The following DDX20 variants were observed in gnomAD, a reference collection of about 807,000 sequenced individuals.
DDX20 encodes the protein probable ATP-dependent RNA helicase DDX20.
DDX20 carries 61 observed loss-of-function variants against 76.4 expected under a neutral mutation model. That is an observed-to-expected ratio of 0.80 (90% CI 0.65 to 0.99). The LOEUF is 0.99. Ranked by LOEUF, DDX20 falls within the 50% of genes least tolerant of loss-of-function variation. The pLI is 0.00. For missense variants in DDX20, 976 were observed against 996.8 expected (o/e 0.98, Z 0.28); for synonymous variants, 357 against 357.4 (o/e 1.00, Z 0.01).
chr1:111,766,097 C>CTGGTG lies in DDX20; in HGVS notation c.1673_1674insTGGTG (p.Asn559GlyfsTer33), dbSNP rs1663772782. ...GTTCAGACTCCCGTTGAAAACTCCA[C>CTGGTG]CAACAGTCAGCACCAGGTCAAAGAA... On this transcript the variant is annotated frameshift_variant, in exon 11 of 11. Transcript: ENST00000369702. LOFTEE classifies it high-confidence loss of function. 6.2e-7 allele frequency: 1 copy of CTGGTG among 1,614,082 alleles called. No homozygotes were observed. The highest frequency in any genetic ancestry group is 8.5e-7 in the Non-Finnish European group (1 of 1,180,040).
At position 111,760,458 on chromosome 1, in the gene DDX20, T is replaced by A; in HGVS notation, c.566-16T>A. 6.5e-7 allele frequency: 1 copy of A among 1,528,334 alleles called. No individual in the cohort carries two copies. The highest frequency in any genetic ancestry group is 8.9e-7 in the Non-Finnish European group (1 of 1,126,798). The allele number at this position is 1,528,334 out of a possible 1,614,324, so 94.7% of individuals were successfully genotyped here. A position where few individuals can be genotyped will look rare whatever the true frequency, so the allele number is the denominator to read the frequency against. ...TTGGTACATCATAAATATTTCAATT[T>A]TTTTTTTTTAATTAGGCAGAATTAA... On this transcript the variant is annotated splice_polypyrimidine_tract_variant and intron_variant, in intron 3 of 10. Transcript: ENST00000369702.
In DDX20 at chr1:111,766,966, C is replaced by A; in HGVS notation, c.*67C>A. 1 of 1,295,148 alleles carries A rather than the reference C, an allele frequency of 7.7e-7. No homozygotes were observed. The highest frequency in any genetic ancestry group is 1.1e-6 in the Non-Finnish European group (1 of 924,088). 80.2% of individuals were successfully genotyped at this position (1,295,148 alleles called of 1,614,324 possible). ...GATACCTTTGGATATCCATCCTCCT[C>A]GACTTATAGTACAGTGGTGTATAGT... On this transcript the variant is annotated 3_prime_UTR_variant, in exon 11 of 11. Transcript: ENST00000369702.
At position 111,756,167 on chromosome 1, in the gene DDX20, C is replaced by G; in HGVS notation, c.243C>G (p.Gly81=). ...RPVLEGLRAA[G]FERPSPVQLK... ...TGCTGGAGGGGCTGCGGGCGGCCGG[C>G]TTCGAGAGGCCCTCGCCGGTGCAGC... is the stretch of plus-strand genomic sequence containing the variant. The change falls in exon 1 of 11, where the codon GGC becomes GGG. Residue 81 remains glycine (G), a synonymous_variant. Coordinates refer to ENST00000369702, the MANE Select transcript of DDX20 (RefSeq NM_007204.5). 6.5e-7 allele frequency: 1 copy of G among 1,546,250 alleles called. No homozygotes were observed. Among genetic ancestry groups the G allele is most frequent in the Non-Finnish European group, 8.7e-7 (1 of 1,153,828 alleles).
Position 111,765,822 on chromosome 1 carries a change from T to C in DDX20, c.1398T>C (p.Ser466=), listed in dbSNP as rs937472771. Reference sequence around the variant, plus strand: ...CTGTGCATACATATGGTATAGCAAGTGTACCTAACCAACCCTTAAAAAAGC... The same window carrying C: ...CTGTGCATACATATGGTATAGCAAGCGTACCTAACCAACCCTTAAAAAAGC... ...KAAVHTYGIA[S]VPNQPLKKQI... The change falls in exon 11 of 11, where the codon AGT becomes AGC. Residue 466 remains serine (S), a synonymous_variant. Transcript: ENST00000369702. 16 of 1,614,116 alleles carry C rather than the reference T, an allele frequency of 9.9e-6. No individual in the cohort carries two copies. Among genetic ancestry groups the C allele is most frequent in the Non-Finnish European group, 1.4e-5 (16 of 1,179,986 alleles).
intron 10 of DDX20, among the ~76,000 whole-genome samples, chr1:111,764,756 C>T (rs1395409190): frequency 6.6e-6 from 1 of 152,112 alleles, no homozygotes; most frequent in African/African-American, 2.4e-5. Context: ...GCCCTGAAAT[C>T]ATGAGAAAAT....
At chr1:111,763,600 G>A (rs1173782847) in intron 10 of DDX20, among the ~76,000 whole-genome samples, 1 of 151,594 alleles carries the variant, frequency 6.6e-6, no homozygotes, top group Non-Finnish European at 1.5e-5. Context: ...AGAAAAATGA[G>A]AGCTATGTTA....
intron 10 of DDX20, among the ~76,000 whole-genome samples, chr1:111,763,524 A>G (rs1663717470): frequency 6.6e-6 from 1 of 151,872 alleles, no homozygotes; most frequent in South Asian, 2.1e-4. Context: ...GTGAGCTGAA[A>G]TCAAGCCATT....
chr1:111,758,775 A>G (rs1663615714), intron 2 of DDX20, among the ~76,000 whole-genome samples: 1 of 151,860 alleles, frequency 6.6e-6, no homozygotes, highest in South Asian at 2.1e-4. Context: ...ATTACCTGTC[A>G]TTACTTATTT....
chr1:111,762,497 C>G (rs971962543), intron 8 of DDX20, 160 bp downstream of exon 8: 7 of 828,304 alleles, frequency 8.5e-6, no homozygotes, highest in Non-Finnish European at 1.3e-5. Context: ...TTAAAAATGT[C>G]TTTAATATGT....
rs1171207973 is a variant in DDX20 at position 111,759,553 on chromosome 1, G to T, written c.550G>T (p.Ala184Ser). ...AACCAGACTTAAAAAGTGTCATATT[G>T]CTGTTGGATCTCCTGGTAAGATAAC... ...DKTRLKKCHIAVGSPGRIKQL... is the reference protein window; with the variant it reads ...DKTRLKKCHISVGSPGRIKQL... The change falls in exon 3 of 11, where the codon GCT becomes TCT. Residue 184 changes from alanine to serine, a missense_variant. Ala to Ser is a moderately conservative substitution (Grantham distance 99). Transcript: ENST00000369702. The T allele has an allele frequency of 1.2e-6, 2 of 1,613,076 alleles. No homozygotes were observed. The highest frequency in any genetic ancestry group is 4.5e-5 in the East Asian group (2 of 44,848).
In DDX20 at chr1:111,759,671, T is replaced by C. The variant is rs1458794473; in HGVS notation, c.565+103T>C. 8 of 1,271,590 alleles carry C rather than the reference T, an allele frequency of 6.3e-6. No individual in the cohort carries two copies. In the East Asian group the frequency reaches 1.7e-4, roughly 27 times the overall value. The allele number at this position is 1,271,590 out of a possible 1,614,324, so 78.8% of individuals were successfully genotyped here. ...GAGTCTTTGATAACTGTGATAATTATTTTGATTAGAAATGAAGAGCAGGCC... is the reference window on the plus strand; with the variant it reads ...GAGTCTTTGATAACTGTGATAATTACTTTGATTAGAAATGAAGAGCAGGCC... On this transcript the variant is annotated intron_variant, in intron 3 of 10. Coordinates refer to ENST00000369702, the MANE Select transcript of DDX20 (RefSeq NM_007204.5).
At position 111,762,462 on chromosome 1, in the gene DDX20, T is replaced by C; in HGVS notation, c.1104+125T>C. The C allele has an allele frequency of 3.4e-6, 3 of 894,752 alleles. No homozygotes were observed. The Admixed American group carries it at 8.0e-5, about 24-fold the overall frequency. 55.4% of individuals were successfully genotyped at this position (894,752 alleles called of 1,614,324 possible). A position where few individuals can be genotyped will look rare whatever the true frequency, so the allele number is the denominator to read the frequency against. ...CAAGAATACCAGAAGATAATTATCT[T>C]TCCAGTGCTGAGGAAAATACTTTCT... is the stretch of plus-strand genomic sequence containing the variant. On this transcript the variant is annotated intron_variant, in intron 8 of 10. Coordinates refer to ENST00000369702, the MANE Select transcript of DDX20 (RefSeq NM_007204.5).
At chr1:111,761,363 T>G in intron 7 of DDX20, 79 bp downstream of exon 7, 1 of 1,165,422 alleles carries the variant, frequency 8.6e-7, no homozygotes, top group Non-Finnish European at 1.3e-6. Flanking sequence ...AAATACCACT[T>G]TATGAGTTGT....
intron 3 of DDX20, among the ~76,000 whole-genome samples, chr1:111,760,219 C>G (rs1663644406): frequency 6.6e-6 from 1 of 152,122 alleles, no homozygotes; most frequent in Non-Finnish European, 1.5e-5. Context: ...CAGCATCTTG[C>G]ATTCAGTGCT....
chr1:111,758,274 C>T (rs898387904), intron 2 of DDX20, among the ~76,000 whole-genome samples: 5 of 150,604 alleles, frequency 3.3e-5, no homozygotes, highest in South Asian at 4.2e-4. Context: ...AAAATTAGGA[C>T]GTACCAGAAA....
chr1:111,756,497 G>T (rs896822839), intron 1 of DDX20, 149 bp from the exon 2 acceptor site: 1 of 706,440 alleles, frequency 1.4e-6, no homozygotes, highest in African/African-American at 1.8e-5. Flanking sequence ...GGGACTAGGC[G>T]TGTTCTCATA....
intron 2 of DDX20, among the ~76,000 whole-genome samples, chr1:111,757,062 T>G (rs965170754): frequency 4.1e-5 from 4 of 98,744 alleles, no homozygotes; most frequent in African/African-American, 2.6e-4. Context: ...GCAGAGTTTG[T>G]TTTTTTTTTT....
At chr1:111,761,188 A>G in intron 6 of DDX20, 38 bp from the exon 7 acceptor site, 3 of 1,611,490 alleles carry the variant, frequency 1.9e-6, no homozygotes, top group Non-Finnish European at 2.5e-6. Context: ...ATGGGGCAAT[A>G]TTTGTAAATT....
At chr1:111,761,784 T>G (rs780495367) in intron 7 of DDX20, 2 of 155,076 alleles carry the variant, frequency 1.3e-5, no homozygotes, top group Non-Finnish European at 2.9e-5. Flanking sequence ...AGTGAGATCC[T>G]TTTTAGAGTT....
Sources: allele counts gnomAD v4.1 joint callset (sites outside exome capture counted in the v4.1 genomes callset), GRCh38; gene constraint gnomAD v4.1.1; transcripts MANE v1.5; gene names NCBI Gene and HGNC (gene_info 2026-07-23, HGNC 2026-07-21).